WNK4: variants seen among roughly 807,000 people sequenced by gnomAD.
The protein encoded by WNK4 is WNK lysine deficient protein kinase 4.
WNK4 carries 94 observed loss-of-function variants against 116.2 expected under a neutral mutation model. That is an observed-to-expected ratio of 0.81 (90% CI 0.68 to 0.96). The LOEUF (loss-of-function observed/expected upper bound fraction) is 0.96. WNK4 is among the 40% of genes least tolerant of loss of function. The pLI, the probability that WNK4 is intolerant of heterozygous loss-of-function variation, is 0.00. For missense variants in WNK4, 1,542 were observed against 1,650.6 expected (o/e 0.93, Z 1.14); for synonymous variants, 655 against 672.7 (o/e 0.97, Z 0.41).
rs1238504638 is a variant in WNK4, at chr17:42,795,363, C to G, written c.2942C>G (p.Thr981Arg). 5 of 1,614,034 alleles carry G rather than the reference C, an allele frequency of 3.1e-6. No homozygotes were observed. The highest frequency in any genetic ancestry group is 2.5e-6 in the Non-Finnish European group (3 of 1,180,052). ...GGCCAGGAAAGCCCTTCACCCCACA[C>G]AGCTGAGGTGGAGAGTGAGGTGAGT... ...PGGQESPSPH[T>R]AEVESEASPP... The change falls in exon 14 of 19, where the codon ACA becomes AGA. Residue 981 changes from threonine (T) to arginine (R), a missense_variant. Physicochemically the swap from Thr to Arg is moderately conservative, Grantham distance 71 (BLOSUM62 -1). Transcript: ENST00000246914.
At chr17:42,790,527 T>G (rs1473481957) in intron 11 of WNK4, among the ~76,000 whole-genome samples, 2 of 149,352 alleles carry the variant, frequency 1.3e-5, no homozygotes, top group African/African-American at 2.5e-5. Flanking sequence ...CAGTACAGAG[T>G]TGAGAGTGAA....
Position 42,782,745 on chromosome 17 carries a change from C to T in WNK4, c.619-13C>T. 1 of 1,613,930 alleles carries T rather than the reference C, an allele frequency of 6.2e-7. No individual in the cohort carries two copies. Among genetic ancestry groups the T allele is most frequent in the Non-Finnish European group, 8.5e-7 (1 of 1,180,012 alleles). On this transcript the variant is annotated splice_polypyrimidine_tract_variant and intron_variant, in intron 1 of 18. Coordinates refer to ENST00000246914, the MANE Select transcript of WNK4 (RefSeq NM_032387.5). This position sits in a 1 kb window ranked among gnomAD's most constrained non-coding sequence, Gnocchi z 4.2. Reference sequence around the variant, plus strand: ...TCCTGGGCCTGACATGACACCCGTCCCCCATCCCACAGACTCGGAAACTGT... The same window carrying T: ...TCCTGGGCCTGACATGACACCCGTCTCCCATCCCACAGACTCGGAAACTGT...
In WNK4 at chr17:42,785,289, C is replaced by A. The variant is rs779760596; in HGVS notation, c.1283C>A (p.Ala428Asp). The A allele has an allele frequency of 6.2e-7, 1 of 1,611,334 alleles. No individual in the cohort carries two copies. The highest frequency in any genetic ancestry group is 1.7e-5 in the Admixed American group (1 of 59,618). The change falls in exon 6 of 19, where the codon GCC becomes GAC. Residue 428 changes from alanine to aspartate, a missense_variant. Around this residue, in one of 7 missense-constraint regions of WNK4, gnomAD observed 808 missense variants for 873.6 expected, o/e 0.92. Coordinates refer to ENST00000246914, the MANE Select transcript of WNK4 (RefSeq NM_032387.5). Reference sequence around the variant, plus strand: ...AGGTTCACCATCCAGGACCTCCTGGCCCACGCCTTCTTCCGCGAGGAGCGC... The same window carrying A: ...AGGTTCACCATCCAGGACCTCCTGGACCACGCCTTCTTCCGCGAGGAGCGC... ...NERFTIQDLL[A>D]HAFFREERGV... is the part of the protein sequence containing the mutation.
rs1434140965 is a variant in WNK4 at position 42,780,807 on chromosome 17, G to A, written c.109G>A (p.Gly37Arg). 1 of 1,602,466 alleles carries A rather than the reference G, an allele frequency of 6.2e-7. No homozygotes were observed. The highest frequency in any genetic ancestry group is 1.3e-5 in the African/African-American group (1 of 74,762). Reference sequence around the variant, plus strand: ...TGGCACCGCGGGGCAGCCCCGCCTCGGGCCCCCTCCTCGCCGAGCGCGCCG... The same window carrying A: ...TGGCACCGCGGGGCAGCCCCGCCTCAGGCCCCCTCCTCGCCGAGCGCGCCG... The part of the protein sequence containing the change: ...PLGTAGQPRL[G>R]PPPRRARRFS... The change falls in exon 1 of 19, where the codon GGG becomes AGG. Residue 37 changes from glycine (G) to arginine (R), a missense_variant. By Grantham distance (125) the Gly-to-Arg change is moderately radical. Coordinates refer to ENST00000246914, the MANE Select transcript of WNK4 (RefSeq NM_032387.5).
chr17:42,785,252 C>T lies in WNK4; in HGVS notation c.1260-14C>T. Reference sequence around the variant, plus strand: ...GGCCGCGGCGGGCTCGGCTCACCCACGCGTCACCCTCAGGTTCACCATCCA... The same window carrying T: ...GGCCGCGGCGGGCTCGGCTCACCCATGCGTCACCCTCAGGTTCACCATCCA... On this transcript the variant is annotated splice_polypyrimidine_tract_variant and intron_variant, in intron 5 of 18. Transcript: ENST00000246914. The T allele has an allele frequency of 6.2e-7, 1 of 1,607,536 alleles. No homozygotes were observed. The highest frequency in any genetic ancestry group is 2.2e-5 in the East Asian group (1 of 44,612).
chr17:42,788,886 C>G (rs1053977342), intron 11 of WNK4, 89 bp downstream of exon 11: 9 of 1,031,716 alleles, frequency 8.7e-6, no homozygotes, highest in African/African-American at 1.6e-5. Flanking sequence ...CCCACTGATC[C>G]GACAGCAAGC....
chr17:42,789,199 G>A (rs1415773046), intron 11 of WNK4, among the ~76,000 whole-genome samples: 1 of 152,158 alleles, frequency 6.6e-6, no homozygotes, highest in East Asian at 1.9e-4. Flanking sequence ...TGCAGGGACA[G>A]CATAAGCAAA....
chr17:42,781,641 T>C (rs2054484944), intron 1 of WNK4, among the ~76,000 whole-genome samples: 1 of 152,114 alleles, frequency 6.6e-6, no homozygotes, highest in Non-Finnish European at 1.5e-5. Context: ...TGCTGGTGGG[T>C]ACCCGCAATC....
intron 11 of WNK4, among the ~76,000 whole-genome samples, chr17:42,793,142 A>G (rs995485111): frequency 2.0e-5 from 3 of 152,204 alleles, no homozygotes; most frequent in African/African-American, 7.2e-5. Flanking sequence ...CTTACACCAC[A>G]CAGTGCCTGG....
intron 12 of WNK4, chr17:42,794,399 T>C: frequency 1.6e-6 from 1 of 609,552 alleles, no homozygotes; most frequent in Non-Finnish European, 2.9e-6. Context: ...TATGTGTGCA[T>C]ACATAATATA....
Position 42,787,428 on chromosome 17 carries a change from A to G in WNK4, c.1627A>G (p.Thr543Ala). ...LPPEPGPPPA[T>A]VPMAPGPPSV... is the part of the protein sequence containing the mutation. The stretch of plus-strand genomic sequence containing the variant: ...ACCAGAGCCAGGACCTCCACCAGCA[A>G]CTGTGCCCATGGCCCCCGGTCCCCC... Residue 543 changes from threonine (T) to alanine (A), a missense_variant, in exon 7 of 19, where the codon ACT becomes GCT. By Grantham distance (58) the Thr-to-Ala change is moderately conservative. Coordinates refer to ENST00000246914, the MANE Select transcript of WNK4 (RefSeq NM_032387.5). 6.2e-7 allele frequency: 1 copy of G among 1,614,092 alleles called. No individual in the cohort carries two copies.
rs893450739 is a variant in WNK4 at position 42,782,843 on chromosome 17, G to A, written c.704G>A (p.Arg235His). ...LKGLQHPNIVRFYDSWKSVLR... is the reference protein window; with the variant it reads ...LKGLQHPNIVHFYDSWKSVLR... ...GGGCTGCAGCACCCCAACATCGTCC[G>A]CTTCTATGATTCGTGGAAGTCGGTG... The change falls in exon 2 of 19, where the codon CGC becomes CAC. Residue 235 changes from arginine to histidine, a missense_variant. Around this residue, in one of 7 missense-constraint regions of WNK4, gnomAD observed 808 missense variants for 873.6 expected, o/e 0.92. Transcript: ENST00000246914. This position sits in a 1 kb window ranked among gnomAD's most constrained non-coding sequence, Gnocchi z 4.2. 4.3e-6 allele frequency: 7 copies of A among 1,614,032 alleles called. No individual in the cohort carries two copies. Among genetic ancestry groups the A allele is most frequent in the South Asian group, 3.3e-5 (3 of 91,088 alleles).
intron 1 of WNK4, 46 bp downstream of exon 1, chr17:42,781,362 G>A (rs374195470): frequency 2.0e-4 from 325 of 1,613,106 alleles, no homozygotes; most frequent in Non-Finnish European, 2.4e-4. Flanking sequence ...TGGGACTCTG[G>A]AGGTCTTAGG....
intron 11 of WNK4, 85 bp from the exon 12 acceptor site, chr17:42,793,507 G>C: frequency 1.3e-6 from 2 of 1,591,240 alleles, no homozygotes; most frequent in Non-Finnish European, 1.7e-6. Flanking sequence ...ACCGCGCCCA[G>C]CCTGATGTTT....
chr17:42,788,045 A>T, intron 8 of WNK4, 85 bp from the exon 9 acceptor site: 2 of 1,587,114 alleles, frequency 1.3e-6, no homozygotes, highest in South Asian at 2.2e-5. Context: ...CATCTCCCTA[A>T]TATCCTCCCA....
In WNK4 at chr17:42,781,088, T is replaced by C. The variant is rs773208243; in HGVS notation, c.390T>C (p.Ser130=). The C allele has an allele frequency of 6.2e-7, 1 of 1,613,338 alleles. No individual in the cohort carries two copies. The highest frequency in any genetic ancestry group is 8.5e-7 in the Non-Finnish European group (1 of 1,179,794). Residue 130 remains serine, a synonymous_variant, in exon 1 of 19, where the codon TCT becomes TCC. Transcript: ENST00000246914. Reference sequence around the variant, plus strand: ...CCGCGCGTCCCGAGCTCCCGGACTCTGCAGTGGGCCCGGGGTCCAGGGAGC... The same window carrying C: ...CCGCGCGTCCCGAGCTCCCGGACTCCGCAGTGGGCCCGGGGTCCAGGGAGC... ...EDSARPELPD[S]AVGPGSREPL...
At chr17:42,794,421 C>T (rs559947127) in intron 12 of WNK4, 193 bp from the exon 13 acceptor site, 1 of 638,168 alleles carries the variant, frequency 1.6e-6, no homozygotes, top group African/African-American at 1.8e-5. Context: ...TTTTCGGAAC[C>T]ACTTAAGAGT....
In WNK4 at chr17:42,795,145, G is replaced by A. The variant is rs2290042; in HGVS notation, c.2724G>A (p.Pro908=). 34,009 of 1,613,270 alleles carry A rather than the reference G, an allele frequency of 0.021. 2,895 individuals are homozygous for A. The African/African-American group carries it at 0.24, about 11-fold the overall frequency. Residue 908 remains proline (P), a synonymous_variant, in exon 14 of 19, where the codon CCG becomes CCA. Transcript: ENST00000246914. ...CTCTTAGTTCCCCTTTCTTTCCTCC[G>A]TGCCCCTCCACTTCTTCCTTCCCCT... is the stretch of plus-strand genomic sequence containing the variant. The part of the protein sequence containing the change: ...QVTLSSPFFP[P]CPSTSSFPST...
At chr17:42,783,874 G>A (rs1221581333) in intron 2 of WNK4, 63 bp from the exon 3 acceptor site, 1 of 1,500,726 alleles carries the variant, frequency 6.7e-7, no homozygotes, top group South Asian at 1.2e-5. Flanking sequence ...ACTTCCCAGT[G>A]GGGGGCTCCT....
Sources: gnomAD v4.1 joint callset for allele counts (sites outside exome capture counted in the v4.1 genomes callset) on GRCh38, gnomAD v4.1.1 for gene constraint, gnomAD v4.1.1 regional missense constraint, Gnocchi (gnomAD v3.1) non-coding constraint, MANE v1.5 for transcripts, NCBI Gene and HGNC (gene_info 2026-07-23, HGNC 2026-07-21) for gene names.